The following ESYT1 variants were observed in gnomAD, a reference collection of about 807,000 sequenced individuals.
The protein encoded by ESYT1 is extended synaptotagmin-1.
Under a neutral mutation model 154.2 loss-of-function variants are expected in ESYT1, and 116 were observed. That is an observed-to-expected ratio of 0.75 (90% CI 0.65 to 0.88). The LOEUF is 0.88. Among genes scored for constraint, ESYT1 ranks in the 40% least tolerant of loss-of-function variants. The probability of loss-of-function intolerance (pLI) is 0.00; values close to 1 mark genes in which losing one functional copy is unlikely to be tolerated. For synonymous variants in ESYT1, 500 were observed against 539.9 expected (o/e 0.93, Z 1.02); for missense variants, 1,264 against 1,379.3 (o/e 0.92, Z 1.32).
Position 56,133,668 on chromosome 12 carries a change from G to A in ESYT1, c.1374G>A (p.Leu458=). ...CACTTTTGTCAGATGCAGAGAAACT[G>A]GAGCAGGTAAGCCACATGGGAAATA... ...WLSLLSDAEK[L]EQVLQWNWGV... Residue 458 remains leucine (L), a synonymous_variant, in exon 12 of 31, where the codon CTG becomes CTA. Transcript: ENST00000394048. 6.2e-7 allele frequency: 1 copy of A among 1,614,204 alleles called. No homozygotes were observed. The highest frequency in any genetic ancestry group is 8.5e-7 in the Non-Finnish European group (1 of 1,180,040).
At chr12:56,134,457 C>T (rs769525680) in intron 15 of ESYT1, 29 bp downstream of exon 15, 6 of 1,582,538 alleles carry the variant, frequency 3.8e-6, no homozygotes, top group East Asian at 2.2e-5. Context: ...CATCCCCTCC[C>T]GAATACCCTA....
chr12:56,133,362 A>C, intron 10 of ESYT1, 55 bp from the exon 11 acceptor site: 4 of 1,608,248 alleles, frequency 2.5e-6, no homozygotes, highest in Non-Finnish European at 3.4e-6. Context: ...CATGCTGCTA[A>C]TTACAACACT....
At position 56,133,420 on chromosome 12, in the gene ESYT1, G is replaced by A. The variant is rs769146928; in HGVS notation, c.1248G>A (p.Met416Ile). 17 of 1,614,216 alleles carry A rather than the reference G, an allele frequency of 1.1e-5. No homozygotes were observed. The highest frequency in any genetic ancestry group is 1.4e-5 in the Non-Finnish European group (17 of 1,180,042). ...DPDKDDFLGR[M>I]KLDVGKVLQA... ...CCTCTCCCCCGCCAACCCTCAGAAT[G>A]AAGCTGGATGTAGGGAAGGTGTTAC... is the stretch of plus-strand genomic sequence containing the variant. Residue 416 changes from methionine to isoleucine, a missense_variant, in exon 11 of 31, where the codon ATG (methionine) becomes ATA (isoleucine). By Grantham distance (10) the Met-to-Ile change is conservative. Transcript: ENST00000394048.
intron 24 of ESYT1, among the ~76,000 whole-genome samples, chr12:56,141,055 T>C (rs754828468): frequency 6.6e-6 from 1 of 152,148 alleles, no homozygotes; most frequent in Non-Finnish European, 1.5e-5. Context: ...TGCCCTCTTA[T>C]TGGAACATCA....
In ESYT1 at chr12:56,144,037, G is replaced by A. The variant is rs1870825128; in HGVS notation, c.*175G>A. ...GCCTGACCAAAGAGAAGAACCGTAT[G>A]TTCCCTTTACTGCACGGCCTTTATC... is the stretch of plus-strand genomic sequence containing the variant. On this transcript the variant is annotated 3_prime_UTR_variant, in exon 31 of 31. Coordinates refer to ENST00000394048, the MANE Select transcript of ESYT1 (RefSeq NM_015292.3). 9.5e-6 allele frequency: 14 copies of A among 1,469,020 alleles called. No homozygotes were observed. Among genetic ancestry groups the A allele is most frequent in the Non-Finnish European group, 1.3e-5 (14 of 1,115,370 alleles). 91.0% of individuals were successfully genotyped at this position (1,469,020 alleles called of 1,614,324 possible).
intron 21 of ESYT1, 58 bp downstream of exon 21, chr12:56,138,330 T>G: frequency 6.2e-7 from 1 of 1,612,548 alleles, no homozygotes; most frequent in South Asian, 1.1e-5. Flanking sequence ...TGAGCTCTTC[T>G]CTTAGCGTTC....
chr12:56,130,971 A>G, intron 3 of ESYT1, 46 bp downstream of exon 3: 1 of 1,614,122 alleles, frequency 6.2e-7, no homozygotes, highest in Non-Finnish European at 8.5e-7. Flanking sequence ...AGGGAGGGTG[A>G]GTGGCCCGGA....
Position 56,144,316 on chromosome 12 carries a change from G to A in ESYT1, c.*454G>A, listed in dbSNP as rs910003912. 1.3e-5 allele frequency: 13 copies of A among 1,031,956 alleles called. No individual in the cohort carries two copies. The highest frequency in any genetic ancestry group is 1.7e-5 in the African/African-American group (1 of 58,612). 63.9% of individuals were successfully genotyped at this position (1,031,956 alleles called of 1,614,324 possible). On this transcript the variant is annotated 3_prime_UTR_variant, in exon 31 of 31. Coordinates refer to ENST00000394048, the MANE Select transcript of ESYT1 (RefSeq NM_015292.3). The stretch of plus-strand genomic sequence containing the variant: ...AACCTCTCCAGCTGTGAGCCTCTTA[G>A]ACTACTGCATGTAGCAAATGTTCAG...
chr12:56,143,665 T>C, intron 30 of ESYT1, 36 bp downstream of exon 30: 1 of 1,613,826 alleles, frequency 6.2e-7, no homozygotes, highest in Non-Finnish European at 8.5e-7. Flanking sequence ...GGTCTGGATA[T>C]TTCAGTGGGA....
intron 10 of ESYT1, among the ~76,000 whole-genome samples, 157 bp from the exon 11 acceptor site, chr12:56,133,260 T>C (rs1870314807): frequency 6.6e-6 from 1 of 152,088 alleles, no homozygotes. Context: ...ACCATGCACA[T>C]ACTCACGCAT....
chr12:56,136,060 CAAAAAA>C (rs72370981), intron 15 of ESYT1, among the ~76,000 whole-genome samples: 1 of 45,762 alleles, frequency 2.2e-5, no homozygotes. Flanking sequence ...ACTCTGTCTC[CAAAAAA>C]AAAAAAAAAA....
chr12:56,132,946 C>T, intron 10 of ESYT1, 145 bp downstream of exon 10: 1 of 680,182 alleles, frequency 1.5e-6, no homozygotes. Flanking sequence ...CGGTGAAACC[C>T]CATCTCTACT....
At chr12:56,140,437 C>T (rs1053410378) in intron 24 of ESYT1, among the ~76,000 whole-genome samples, 6 of 152,294 alleles carry the variant, frequency 3.9e-5, no homozygotes, top group Non-Finnish European at 8.8e-5. Flanking sequence ...ACGATCTCAG[C>T]TCACTGCAAC....
Position 56,132,239 on chromosome 12 carries a change from C to T in ESYT1, c.891C>T (p.Ser297=). ...TCTCTGACACCATGATCATGGACTC[C>T]ATTGCTGCCTTCCTCGTGTTGCCCA... The part of the protein sequence containing the change: ...SSLSDTMIMD[S]IAAFLVLPNR... The change falls in exon 8 of 31, where the codon TCC becomes TCT. Residue 297 remains serine, a synonymous_variant. Transcript: ENST00000394048. The T allele has an allele frequency of 2.5e-6, 4 of 1,614,142 alleles. No individual in the cohort carries two copies. The highest frequency in any genetic ancestry group is 3.4e-6 in the Non-Finnish European group (4 of 1,180,032).
Position 56,144,664 on chromosome 12 carries a change from T to C in ESYT1, c.*802T>C, listed in dbSNP as rs1339910039. ...CCACTGGATCTTACATTAAACATCA[T>C]ACTCAAACCAGCTGTGGTTCTTTTC... On this transcript the variant is annotated 3_prime_UTR_variant, in exon 31 of 31. Transcript: ENST00000394048. 3 of 985,316 alleles carry C rather than the reference T, an allele frequency of 3.0e-6. No individual in the cohort carries two copies. The highest frequency in any genetic ancestry group is 1.7e-5 in the African/African-American group (1 of 57,236). The allele number at this position is 985,316 out of a possible 1,614,324, so 61.0% of individuals were successfully genotyped here.
intron 22 of ESYT1, 95 bp from the exon 23 acceptor site, chr12:56,138,673 A>G: frequency 1.5e-6 from 2 of 1,358,366 alleles, no homozygotes; most frequent in Admixed American, 3.4e-5. Context: ...GCCAAGTAAT[A>G]ATGGAGACAT....
intron 1 of ESYT1, chr12:56,129,465 TTC>T (rs1870140783): frequency 6.5e-6 from 1 of 152,714 alleles, no homozygotes; most frequent in Non-Finnish European, 1.5e-5. Flanking sequence ...GGCGGATGCC[TTC>T]TCTCTAGTCT....
At chr12:56,132,890 G>C (rs1169636278) in intron 10 of ESYT1, 89 bp downstream of exon 10, 1 of 1,130,542 alleles carries the variant, frequency 8.8e-7, no homozygotes, top group Non-Finnish European at 1.3e-6. Flanking sequence ...GGAGGCTGAG[G>C]CGGGCGGATC....
In ESYT1 at chr12:56,132,788, G is replaced by T. The variant is rs1870294084; in HGVS notation, c.1231G>T (p.Asp411Tyr). The stretch of plus-strand genomic sequence containing the variant: ...GTTCGACAAGGATCCAGATAAAGAT[G>T]ACTTTCTGGGCAGGTGAGACTCTGC... ...EVFDKDPDKD[D>Y]FLGRMKLDVG... The change falls in exon 10 of 31, where the codon GAC (aspartate) becomes TAC (tyrosine). Residue 411 changes from aspartate to tyrosine, a missense_variant. Transcript: ENST00000394048. 2.5e-6 allele frequency: 4 copies of T among 1,613,898 alleles called. 1 individual carries two copies. In the South Asian group the frequency reaches 4.4e-5, roughly 18 times the overall value.
Sources: gnomAD v4.1 joint callset for allele counts (sites outside exome capture counted in the v4.1 genomes callset) on GRCh38, gnomAD v4.1.1 for gene constraint, MANE v1.5 for transcripts, NCBI Gene and HGNC (gene_info 2026-07-23, HGNC 2026-07-21) for gene names.